The following IGDCC3 variants were observed in gnomAD, a reference collection of about 807,000 sequenced individuals.
The protein encoded by IGDCC3 is putative neuronal cell adhesion molecule.
In IGDCC3, 47 loss-of-function variants were observed where a neutral mutation model predicts 72.0. The ratio of observed to expected loss-of-function variants is 0.65; its 90% CI spans 0.52 to 0.83. The LOEUF (loss-of-function observed/expected upper bound fraction) is 0.83. Ranked by LOEUF, IGDCC3 falls within the 40% of genes least tolerant of loss-of-function variation. IGDCC3 has a pLI of 0.00. For synonymous variants in IGDCC3, 477 were observed against 472.8 expected, an observed-to-expected ratio of 1.01 and a Z score of -0.11; for missense variants, 1,038 against 1,091.3, an observed-to-expected ratio of 0.95 and a Z score of 0.69.
At chr15:65,372,028 G>A (rs1362175672) in intron 2 of IGDCC3, among the ~76,000 whole-genome samples, 2 of 152,238 alleles carry the variant, frequency 1.3e-5, no homozygotes, top group Non-Finnish European at 2.9e-5. Context: ...CCCAGCGAGG[G>A]AGAAAGCAGG....
chr15:65,356,057 C>T (rs952634237), intron 2 of IGDCC3: 3 of 261,298 alleles, frequency 1.1e-5, no homozygotes, highest in Admixed American at 1.0e-4. Context: ...TCTCCACCTG[C>T]AGATTCTCAG....
chr15:65,361,627 C>CCCCGCTGTGTCA (rs570311475), intron 2 of IGDCC3, among the ~76,000 whole-genome samples: 7 of 151,470 alleles, frequency 4.6e-5, no homozygotes, highest in African/African-American at 1.7e-4. Context: ...ACCACAGCAG[C>CCCCGCTGTGTCA]CTAGAAGAGT....
intron 2 of IGDCC3, among the ~76,000 whole-genome samples, chr15:65,369,222 G>A (rs1220344759): frequency 1.3e-5 from 2 of 152,130 alleles, no homozygotes; most frequent in Admixed American, 6.5e-5. Context: ...AGGAGGCCCA[G>A]GGGAGGCAGG....
At chr15:65,371,703 G>T (rs1289109547) in intron 2 of IGDCC3, among the ~76,000 whole-genome samples, 1 of 152,228 alleles carries the variant, frequency 6.6e-6, no homozygotes, top group Non-Finnish European at 1.5e-5. Flanking sequence ...TTAAGGCTAG[G>T]AAAGAGGGGC....
chr15:65,339,764 T>C lies in IGDCC3; in HGVS notation c.410-3808A>G, dbSNP rs2091063132. 6.6e-6 allele frequency among the ~76,000 whole-genome samples: 1 copy of C among 152,236 alleles called. No homozygotes were observed. Among genetic ancestry groups the C allele is most frequent in the Admixed American group, 6.5e-5 (1 of 15,282 alleles). On this transcript the variant is annotated intron_variant, in intron 2 of 13. Coordinates refer to ENST00000327987, the MANE Select transcript of IGDCC3 (RefSeq NM_004884.4). The surrounding 1 kb of genome is among the most constrained non-coding windows in gnomAD (Gnocchi z 4.1). ...TTTATGTCTGGTGTTGGTGGTATTGTGTCTGTGGCTGGTGCACGTGACAGT... is the reference window on the plus strand; with the variant it reads ...TTTATGTCTGGTGTTGGTGGTATTGCGTCTGTGGCTGGTGCACGTGACAGT...
chr15:65,337,319 A>C (rs2091038945), intron 2 of IGDCC3, among the ~76,000 whole-genome samples: 1 of 152,128 alleles, frequency 6.6e-6, no homozygotes, highest in Middle Eastern at 3.4e-3. Flanking sequence ...AGTGTGTCTG[A>C]TGGGTGTGTG....
chr15:65,333,512 T>A, intron 5 of IGDCC3, 97 bp from the exon 6 acceptor site: 1 of 1,179,694 alleles, frequency 8.5e-7, no homozygotes, highest in East Asian at 2.7e-5. Context: ...CTTCCTCCTG[T>A]CTTCTAGGGA....
intron 2 of IGDCC3, among the ~76,000 whole-genome samples, chr15:65,352,185 G>A (rs1423385631): frequency 6.6e-6 from 1 of 152,102 alleles, no homozygotes; most frequent in Non-Finnish European, 1.5e-5. Flanking sequence ...TCAGAGTCAA[G>A]GAAATTTTTT....
intron 2 of IGDCC3, among the ~76,000 whole-genome samples, chr15:65,343,665 G>A (rs902476446): frequency 3.3e-5 from 5 of 152,204 alleles, no homozygotes; most frequent in Admixed American, 1.3e-4. Context: ...TCAGGCGCCC[G>A]ATGGCTACTC....
chr15:65,333,148 C>T (rs2090993973), intron 6 of IGDCC3, 109 bp downstream of exon 6: 11 of 1,101,062 alleles, frequency 1.0e-5, no homozygotes, highest in East Asian at 2.8e-5. Flanking sequence ...AGGGGCAGGG[C>T]GAGTCCAGGA....
intron 5 of IGDCC3, among the ~76,000 whole-genome samples, chr15:65,334,322 C>T (rs956108046): frequency 3.3e-5 from 5 of 152,110 alleles, no homozygotes; most frequent in African/African-American, 4.8e-5. Context: ...GGTCTGACAA[C>T]TGGCTGGGAT....
At chr15:65,371,961 C>G (rs1268680673) in intron 2 of IGDCC3, among the ~76,000 whole-genome samples, 1 of 152,252 alleles carries the variant, frequency 6.6e-6, no homozygotes, top group Non-Finnish European at 1.5e-5. Context: ...AAGATGCACT[C>G]TGGCTCCAAT....
chr15:65,347,712 C>T (rs560353895), intron 2 of IGDCC3, among the ~76,000 whole-genome samples: 18 of 152,250 alleles, frequency 1.2e-4, no homozygotes, highest in Non-Finnish European at 2.4e-4. Context: ...GGGTGGATCA[C>T]CTGAGGTCAG....
chr15:65,334,449 C>T (rs918781848), intron 5 of IGDCC3: 25 of 418,738 alleles, frequency 6.0e-5, no homozygotes, highest in African/African-American at 3.7e-4. Context: ...CTGGGGTCCC[C>T]GAGGCCAGGG....
intron 2 of IGDCC3, among the ~76,000 whole-genome samples, chr15:65,346,011 CAG>C (rs2091121490): frequency 6.6e-6 from 1 of 152,198 alleles, no homozygotes; most frequent in South Asian, 2.1e-4. Flanking sequence ...CCCAGAAAAA[CAG>C]AGAGGCACAC....
chr15:65,367,728 A>C (rs138230538), intron 2 of IGDCC3, among the ~76,000 whole-genome samples: 1 of 151,932 alleles, frequency 6.6e-6, no homozygotes, highest in South Asian at 2.1e-4. Flanking sequence ...ACCTAATAAA[A>C]TTATCTATCA....
chr15:65,359,689 C>T (rs977780127), intron 2 of IGDCC3, among the ~76,000 whole-genome samples: 6 of 152,122 alleles, frequency 3.9e-5, no homozygotes, highest in Non-Finnish European at 1.5e-5. Flanking sequence ...TGCGGGTGCC[C>T]TTTCATACCA....
intron 2 of IGDCC3, among the ~76,000 whole-genome samples, chr15:65,357,141 C>A (rs909542729): frequency 6.6e-6 from 1 of 151,850 alleles, no homozygotes; most frequent in African/African-American, 2.4e-5. Context: ...TGTGAGCCAC[C>A]ACACCCGGCC....
At position 65,377,701 on chromosome 15, in the gene IGDCC3, GCAGCAGCAGCAA is replaced by G. The variant is rs1256628507; in HGVS notation, c.76_87del (p.Leu26_Leu29del). On this transcript the variant is annotated inframe_deletion, in exon 1 of 14. Coordinates refer to ENST00000327987, the MANE Select transcript of IGDCC3 (RefSeq NM_004884.4). The surrounding 1 kb of genome is among the most constrained non-coding windows in gnomAD (Gnocchi z 4.9). The stretch of plus-strand genomic sequence containing the variant: ...TTTCACTCACCCTCGCTCGGCGCGG[GCAGCAGCAGCAA>G]CAGCAGCGGCAGCAGGAGCCGGGGC... The G allele has an allele frequency of 3.6e-6, 5 of 1,407,502 alleles. No homozygotes were observed. The highest frequency in any genetic ancestry group is 1.8e-6 in the Non-Finnish European group (2 of 1,084,288). 87.2% of individuals were successfully genotyped at this position (1,407,502 alleles called of 1,614,324 possible). A position where few individuals can be genotyped will look rare whatever the true frequency, so the allele number is the denominator to read the frequency against.
Sources: gnomAD v4.1 joint callset for allele counts (sites outside exome capture counted in the v4.1 genomes callset) on GRCh38, gnomAD v4.1.1 for gene constraint, Gnocchi (gnomAD v3.1) non-coding constraint, MANE v1.5 for transcripts, NCBI Gene and HGNC (gene_info 2026-07-23, HGNC 2026-07-21) for gene names.